The following PDE10A variants were observed in gnomAD, a reference collection of about 807,000 sequenced individuals.
The protein encoded by PDE10A is cAMP and cAMP-inhibited cGMP 3',5'-cyclic phosphodiesterase 10A.
PDE10A carries 39 observed loss-of-function variants against 97.7 expected under a neutral mutation model. The observed-to-expected ratio is 0.40, with a 90% CI of 0.31 to 0.52. PDE10A has a LOEUF of 0.52. Ranked by LOEUF, PDE10A falls within the 20% of genes least tolerant of loss-of-function variation. The pLI is 0.56. For synonymous variants in PDE10A, 371 were observed against 376.8 expected (o/e 0.98, Z 0.18); for missense variants, 731 against 1,047.8 (o/e 0.70, Z 4.17).
intron 1 of PDE10A, among the ~76,000 whole-genome samples, chr6:165,659,493 G>A (rs1183493904): frequency 1.3e-5 from 2 of 152,250 alleles, no homozygotes; most frequent in Non-Finnish European, 2.9e-5. Context: ...AAAGTAAAGA[G>A]TGTCAGAGCA....
intron 13 of PDE10A, among the ~76,000 whole-genome samples, chr6:165,398,344 G>A (rs1038378409): frequency 6.6e-5 from 10 of 151,994 alleles, no homozygotes; most frequent in Admixed American, 3.3e-4. Flanking sequence ...AGCCAGGCAC[G>A]GTGGCACACA....
intron 1 of PDE10A, among the ~76,000 whole-genome samples, chr6:165,709,418 C>A (rs888363073): frequency 6.8e-6 from 1 of 146,914 alleles, no homozygotes; most frequent in South Asian, 2.2e-4. Context: ...CCACTCTCCA[C>A]CCCCATGTTG....
At chr6:165,393,554 T>C (rs1785891063) in intron 15 of PDE10A, among the ~76,000 whole-genome samples, 1 of 152,106 alleles carries the variant, frequency 6.6e-6, no homozygotes, top group Admixed American at 6.6e-5. Flanking sequence ...AACCTGTGTT[T>C]TTCTCCACTG....
chr6:165,800,739 G>A (rs183913466), intron 1 of PDE10A, among the ~76,000 whole-genome samples: 12 of 152,318 alleles, frequency 7.9e-5, no homozygotes, highest in Admixed American at 3.9e-4. Flanking sequence ...CGACTACAAC[G>A]CAGAGCCCAT....
chr6:165,470,280 G>A (rs547434034), intron 3 of PDE10A, among the ~76,000 whole-genome samples: 61 of 152,268 alleles, frequency 4.0e-4, no homozygotes, highest in Admixed American at 1.9e-3. Context: ...GACAGGTAAC[G>A]AGAACTGACT....
intron 1 of PDE10A, among the ~76,000 whole-genome samples, chr6:165,961,057 G>A (rs1194979060): frequency 2.0e-5 from 3 of 151,300 alleles, no homozygotes; most frequent in African/African-American, 7.3e-5. Flanking sequence ...GGAGCATAGG[G>A]TCACTGACCC....
At chr6:165,899,713 C>T (rs974837996) in intron 1 of PDE10A, among the ~76,000 whole-genome samples, 1 of 152,154 alleles carries the variant, frequency 6.6e-6, no homozygotes, top group Admixed American at 6.5e-5. Flanking sequence ...AAGCTGTGTG[C>T]GCTGGCCGGG....
At chr6:165,681,811 G>C (rs1292848571) in intron 1 of PDE10A, among the ~76,000 whole-genome samples, 1 of 152,164 alleles carries the variant, frequency 6.6e-6, no homozygotes, top group East Asian at 1.9e-4. Context: ...CTTCTAATAA[G>C]TGAGCTGGCT....
chr6:165,548,649 G>A (rs930295546), intron 1 of PDE10A, among the ~76,000 whole-genome samples: 17 of 152,238 alleles, frequency 1.1e-4, no homozygotes, highest in African/African-American at 3.9e-4. Flanking sequence ...TTTTTGTGAT[G>A]TCAGCAGCAT....
chr6:165,621,763 G>A (rs200670197), intron 1 of PDE10A, among the ~76,000 whole-genome samples: 41,753 of 141,308 alleles, frequency 0.3, 6,758 homozygotes, highest in African/African-American at 0.47. Flanking sequence ...ATCTAAAAAA[G>A]AAAAAAAAAA....
chr6:165,627,061 G>T (rs150504285), intron 1 of PDE10A, among the ~76,000 whole-genome samples: 47 of 152,312 alleles, frequency 3.1e-4, no homozygotes, highest in African/African-American at 9.9e-4. Context: ...TGACAGGCAG[G>T]ATTGCAAGTC....
intron 1 of PDE10A, among the ~76,000 whole-genome samples, chr6:165,573,221 C>T (rs894892420): frequency 6.6e-5 from 10 of 150,680 alleles, no homozygotes; most frequent in South Asian, 2.1e-4. Context: ...TAATGTACTG[C>T]GCAGACTTTT....
chr6:165,366,391 G>T (rs1260467348), intron 18 of PDE10A, among the ~76,000 whole-genome samples: 1 of 152,110 alleles, frequency 6.6e-6, no homozygotes, highest in Non-Finnish European at 1.5e-5. Flanking sequence ...AAACTTTTCA[G>T]CTGATAAAGA....
At chr6:165,450,407 A>G (rs200624936) in intron 3 of PDE10A, 45 bp from the exon 4 acceptor site, 54 of 1,205,580 alleles carry the variant, frequency 4.5e-5, no homozygotes, top group Non-Finnish European at 5.8e-5. Flanking sequence ...TTTAAATAAA[A>G]TATAACAAAA....
At chr6:165,452,811 A>C (rs984550799) in intron 3 of PDE10A, among the ~76,000 whole-genome samples, 13 of 151,744 alleles carry the variant, frequency 8.6e-5, no homozygotes, top group East Asian at 3.9e-4. Flanking sequence ...CTGGGAAATG[A>C]GTAGAGGACA....
At chr6:165,575,532 T>G (rs948660434) in intron 1 of PDE10A, among the ~76,000 whole-genome samples, 4 of 152,180 alleles carry the variant, frequency 2.6e-5, no homozygotes, top group African/African-American at 7.2e-5. Flanking sequence ...TTATTTCCCC[T>G]TTATGTCTCA....
At chr6:165,758,783 AG>A (rs1396791811) in intron 1 of PDE10A, among the ~76,000 whole-genome samples, 3 of 152,150 alleles carry the variant, frequency 2.0e-5, no homozygotes, top group Admixed American at 2.0e-4. Flanking sequence ...AACTCTAAAA[AG>A]GTTCTTCCAT....
At chr6:165,584,378 T>C (rs1416499589) in intron 1 of PDE10A, among the ~76,000 whole-genome samples, 2 of 152,128 alleles carry the variant, frequency 1.3e-5, no homozygotes, top group African/African-American at 2.4e-5. Flanking sequence ...TTCTTCCCTT[T>C]GATTTGGTAC....
intron 4 of PDE10A, among the ~76,000 whole-genome samples, chr6:165,449,720 T>A (rs1791147028): frequency 6.6e-6 from 1 of 152,206 alleles, no homozygotes; most frequent in Admixed American, 6.5e-5. Context: ...TCATTTATAT[T>A]TTTATTTTCA....
Sources: allele counts gnomAD v4.1 joint callset (sites outside exome capture counted in the v4.1 genomes callset), GRCh38; gene constraint gnomAD v4.1.1; transcripts MANE v1.5; gene names NCBI Gene and HGNC (gene_info 2026-07-23, HGNC 2026-07-21).